The following EEF1AKMT3 variants were observed in gnomAD, a reference collection of about 807,000 sequenced individuals.
EEF1AKMT3 encodes eEF1A-KMT3.
A neutral mutation model predicts 17.8 loss-of-function variants in EEF1AKMT3; 17 were observed. That is an observed-to-expected ratio of 0.96 (90% CI 0.65 to 1.43). The LOEUF is 1.43. Among genes scored for constraint, EEF1AKMT3 ranks in the 40% most tolerant of loss-of-function variants. EEF1AKMT3 has a pLI of 0.00. For missense variants in EEF1AKMT3, 244 were observed against 285.8 expected, an observed-to-expected ratio of 0.85 and a Z score of 1.06; for synonymous variants, 116 against 126.5, an observed-to-expected ratio of 0.92 and a Z score of 0.56.
intron 2 of EEF1AKMT3, among the ~76,000 whole-genome samples, chr12:57,778,229 A>G (rs1955491852): frequency 6.9e-6 from 1 of 144,640 alleles, no homozygotes; most frequent in South Asian, 2.2e-4. Context: ...AACCTTTCTC[A>G]TCTAAATGAG....
At chr12:57,774,996 T>A (rs905602204) in intron 2 of EEF1AKMT3, among the ~76,000 whole-genome samples, 2 of 150,442 alleles carry the variant, frequency 1.3e-5, no homozygotes, top group African/African-American at 4.9e-5. Flanking sequence ...TCCCAGCTAC[T>A]TGGGGGGCTG....
chr12:57,772,614 G>T lies in EEF1AKMT3; in HGVS notation c.-111G>T. Reference sequence around the variant, plus strand: ...AGGAGGGCAAACTCAGGGAGGCGGGGCTCGTTCCACAGGGACACCACGACG... The same window carrying T: ...AGGAGGGCAAACTCAGGGAGGCGGGTCTCGTTCCACAGGGACACCACGACG... On this transcript the variant is annotated 5_prime_UTR_variant, in exon 1 of 3. Coordinates refer to ENST00000300209, the MANE Select transcript of EEF1AKMT3 (RefSeq NM_015433.3). This position sits in a 1 kb window ranked among gnomAD's most constrained non-coding sequence, Gnocchi z 4.1. The T allele has an allele frequency of 8.3e-7, 1 of 1,199,030 alleles. No individual in the cohort carries two copies. Among genetic ancestry groups the T allele is most frequent in the South Asian group, 1.6e-5 (1 of 64,124 alleles). The allele number at this position is 1,199,030 out of a possible 1,614,324, so 74.3% of individuals were successfully genotyped here. A position where few individuals can be genotyped will look rare whatever the true frequency, so the allele number is the denominator to read the frequency against.
In EEF1AKMT3 at chr12:57,780,878, G is replaced by T. The variant is rs1955509487; in HGVS notation, c.*232G>T. 1 of 581,672 alleles carries T rather than the reference G, an allele frequency of 1.7e-6. No homozygotes were observed. The highest frequency in any genetic ancestry group is 3.0e-6 in the Non-Finnish European group (1 of 334,156). The allele number at this position is 581,672 out of a possible 1,614,324, so 36.0% of individuals were successfully genotyped here. The stretch of plus-strand genomic sequence containing the variant: ...GCAGCACTAGTGTTAGAACACCAAG[G>T]AGGTTCCTGGCTCCTGTTCTCAGAG... On this transcript the variant is annotated 3_prime_UTR_variant, in exon 3 of 3. Coordinates refer to ENST00000300209, the MANE Select transcript of EEF1AKMT3 (RefSeq NM_015433.3).
chr12:57,775,231 G>A (rs1439063128), intron 2 of EEF1AKMT3, among the ~76,000 whole-genome samples: 1 of 151,950 alleles, frequency 6.6e-6, no homozygotes, highest in East Asian at 1.9e-4. Flanking sequence ...GTATGGATGG[G>A]AACACCTAGC....
At chr12:57,780,173 G>A (rs1353436068) in intron 2 of EEF1AKMT3, 82 bp from the exon 3 acceptor site, 3 of 1,543,472 alleles carry the variant, frequency 1.9e-6, no homozygotes, top group South Asian at 2.4e-5. Context: ...TATGCTCTGA[G>A]GTCTCTGGAC....
chr12:57,777,289 C>T (rs553789948), intron 2 of EEF1AKMT3, among the ~76,000 whole-genome samples: 1 of 152,168 alleles, frequency 6.6e-6, no homozygotes, highest in Non-Finnish European at 1.5e-5. Context: ...GAAAAAAACT[C>T]TTGATCCTAC....
intron 2 of EEF1AKMT3, among the ~76,000 whole-genome samples, chr12:57,776,952 G>C (rs1841004319): frequency 6.6e-6 from 1 of 152,140 alleles, no homozygotes; most frequent in South Asian, 2.1e-4. Flanking sequence ...CACCTGGGCT[G>C]TTTCTTATCT....
intron 2 of EEF1AKMT3, 123 bp downstream of exon 2, chr12:57,773,251 A>G: frequency 1.1e-6 from 1 of 904,148 alleles, no homozygotes; most frequent in Non-Finnish European, 1.7e-6. Flanking sequence ...TCTTTTTAAC[A>G]AATTTTTTTT....
At chr12:57,773,807 A>G (rs781660741) in intron 2 of EEF1AKMT3, among the ~76,000 whole-genome samples, 5 of 152,184 alleles carry the variant, frequency 3.3e-5, no homozygotes, top group African/African-American at 4.8e-5. Flanking sequence ...AGATGCACAT[A>G]TGGGGGTACT....
intron 2 of EEF1AKMT3, chr12:57,774,769 TGAG>T: frequency 6.2e-7 from 1 of 1,605,008 alleles, no homozygotes; most frequent in South Asian, 1.1e-5. Flanking sequence ...CTCTGTCAGG[TGAG>T]GAGGAGGTGA....
chr12:57,782,312 T>C lies in EEF1AKMT3; in HGVS notation c.*1666T>C, dbSNP rs187622376. The C allele has an allele frequency of 6.4e-6, 1 of 156,820 alleles. No individual in the cohort carries two copies. The highest frequency in any genetic ancestry group is 2.4e-5 in the African/African-American group (1 of 41,628). 9.7% of individuals were successfully genotyped at this position (156,820 alleles called of 1,614,324 possible). ...GGTAGGGCTGTGGTTTACTCCTGTC[T>C]AAACCCCTGAAGCCTAACACAGTTC... On this transcript the variant is annotated 3_prime_UTR_variant, in exon 3 of 3. Coordinates refer to ENST00000300209, the MANE Select transcript of EEF1AKMT3 (RefSeq NM_015433.3).
chr12:57,780,626 A>G lies in EEF1AKMT3; in HGVS notation c.661A>G (p.Arg221Gly), dbSNP rs942922112. 2.5e-6 allele frequency: 4 copies of G among 1,608,836 alleles called. No individual in the cohort carries two copies. The highest frequency in any genetic ancestry group is 1.7e-5 in the Admixed American group (1 of 60,004). ...ENVNIYRARH[R>G]EPRPA ...TGTCAACATCTATAGGGCCAGGCAC[A>G]GGGAACCAAGACCTGCTTGACATCA... The change falls in exon 3 of 3, where the codon AGG (arginine) becomes GGG (glycine). Residue 221 changes from arginine to glycine, a missense_variant. Physicochemically the swap from Arg to Gly is moderately radical, Grantham distance 125. Transcript: ENST00000300209.
chr12:57,778,105 A>G (rs753067161), intron 2 of EEF1AKMT3, among the ~76,000 whole-genome samples: 5 of 151,516 alleles, frequency 3.3e-5, no homozygotes, highest in African/African-American at 4.9e-5. Flanking sequence ...TGCATAACCT[A>G]GTGCCTACTC....
Position 57,780,906 on chromosome 12 carries a change from G to T in EEF1AKMT3, c.*260G>T, listed in dbSNP as rs763447566. On this transcript the variant is annotated 3_prime_UTR_variant, in exon 3 of 3. Transcript: ENST00000300209. The stretch of plus-strand genomic sequence containing the variant: ...GTTCCTGGCTCCTGTTCTCAGAGAA[G>T]GAGGATGGTAAGGTATCCAGGATTT... 1 of 540,140 alleles carries T rather than the reference G, an allele frequency of 1.9e-6. No homozygotes were observed. Among genetic ancestry groups the T allele is most frequent in the Non-Finnish European group, 3.3e-6 (1 of 305,588 alleles). The allele number at this position is 540,140 out of a possible 1,614,324, so 33.5% of individuals were successfully genotyped here. A position where few individuals can be genotyped will look rare whatever the true frequency, so the allele number is the denominator to read the frequency against.
chr12:57,774,673 C>T, intron 2 of EEF1AKMT3: 1 of 1,607,362 alleles, frequency 6.2e-7, no homozygotes, highest in Non-Finnish European at 8.5e-7. Flanking sequence ...TGTCATAGAA[C>T]AAGAACTCTG....
rs1955509092 is a variant in EEF1AKMT3, at chr12:57,780,831, T to G, written c.*185T>G. 3 of 736,212 alleles carry G rather than the reference T, an allele frequency of 4.1e-6. No homozygotes were observed. Among genetic ancestry groups the G allele is most frequent in the Non-Finnish European group, 6.5e-6 (3 of 464,374 alleles). The allele number at this position is 736,212 out of a possible 1,614,324, so 45.6% of individuals were successfully genotyped here. On this transcript the variant is annotated 3_prime_UTR_variant, in exon 3 of 3. Coordinates refer to ENST00000300209, the MANE Select transcript of EEF1AKMT3 (RefSeq NM_015433.3). Reference sequence around the variant, plus strand: ...GGGCAGGTGCAGTGAGGTGCCTGCTTACAAGGAATCCCAGAGTTCTGGCAG... The same window carrying G: ...GGGCAGGTGCAGTGAGGTGCCTGCTGACAAGGAATCCCAGAGTTCTGGCAG...
In EEF1AKMT3 at chr12:57,781,869, C is replaced by T. The variant is rs1057420377; in HGVS notation, c.*1223C>T. 3 of 152,222 alleles carry T rather than the reference C, an allele frequency of 2.0e-5. No individual in the cohort carries two copies. Among genetic ancestry groups the T allele is most frequent in the African/African-American group, 7.2e-5 (3 of 41,448 alleles). 9.4% of individuals were successfully genotyped at this position (152,222 alleles called of 1,614,324 possible). A position where few individuals can be genotyped will look rare whatever the true frequency, so the allele number is the denominator to read the frequency against. On this transcript the variant is annotated 3_prime_UTR_variant, in exon 3 of 3. Coordinates refer to ENST00000300209, the MANE Select transcript of EEF1AKMT3 (RefSeq NM_015433.3). ...TCTCCTTCAGTCCATTCCGCAAACTCTTGTGATCTTCCAAAATTAGCTCTG... is the reference window on the plus strand; with the variant it reads ...TCTCCTTCAGTCCATTCCGCAAACTTTTGTGATCTTCCAAAATTAGCTCTG...
In EEF1AKMT3 at chr12:57,780,792, C is replaced by A; in HGVS notation, c.*146C>A. On this transcript the variant is annotated 3_prime_UTR_variant, in exon 3 of 3. Transcript: ENST00000300209. ...CACTTTCCTCCTTCCCTCTTTGTTA[C>A]CCCAGATACTCTTGGGCAGGTGCAG... 9.1e-7 allele frequency: 1 copy of A among 1,093,048 alleles called. No homozygotes were observed. Among genetic ancestry groups the A allele is most frequent in the Non-Finnish European group, 1.3e-6 (1 of 779,804 alleles). 67.7% of individuals were successfully genotyped at this position (1,093,048 alleles called of 1,614,324 possible). A position where few individuals can be genotyped will look rare whatever the true frequency, so the allele number is the denominator to read the frequency against.
chr12:57,773,384 TAAG>T (rs1380314460), intron 2 of EEF1AKMT3, among the ~76,000 whole-genome samples: 2 of 151,956 alleles, frequency 1.3e-5, no homozygotes, highest in African/African-American at 2.4e-5. Context: ...GGCAGGCCTA[TAAG>T]AAGGAGTTGT....
Sources: gnomAD v4.1 joint callset for allele counts (sites outside exome capture counted in the v4.1 genomes callset) on GRCh38, gnomAD v4.1.1 for gene constraint, Gnocchi (gnomAD v3.1) non-coding constraint, MANE v1.5 for transcripts, NCBI Gene and HGNC (gene_info 2026-07-23, HGNC 2026-07-21) for gene names.